Variants in NPHP3 observed in about 807,000 individuals in gnomAD.
The protein encoded by NPHP3 is nephrocystin-3.
In NPHP3, 123 loss-of-function variants were observed where a neutral mutation model predicts 171.9. The ratio of observed to expected loss-of-function variants is 0.72; its 90% confidence interval spans 0.62 to 0.83. The LOEUF (loss-of-function observed/expected upper bound fraction) is 0.83, where lower values mean the gene tolerates loss of function less well. NPHP3 is among the 40% of genes least tolerant of loss of function. The pLI, the probability that NPHP3 is intolerant of heterozygous loss-of-function variation, is 0.00. For synonymous variants in NPHP3, 558 were observed against 579.2 expected, an observed-to-expected ratio of 0.96 and a Z score of 0.52; for missense variants, 1,506 against 1,591.9, an observed-to-expected ratio of 0.95 and a Z score of 0.92.
chr3:132,697,211 T>C (rs779652471), intron 14 of NPHP3, 49 bp downstream of exon 14: 5 of 1,223,316 alleles, frequency 4.1e-6, no homozygotes, highest in Admixed American at 3.4e-5. Flanking sequence ...AGATGTTTCA[T>C]AGGAAAGATG....
At chr3:132,719,630 T>C in intron 2 of NPHP3, 75 bp downstream of exon 2, 1 of 940,560 alleles carries the variant, frequency 1.1e-6, no homozygotes, top group Non-Finnish European at 1.5e-6. Context: ...TTCATCGCAT[T>C]ATATATTATA....
In NPHP3 at chr3:132,701,658, T is replaced by C. The variant is rs1576673620; in HGVS notation, c.1525-125A>G. 33 of 705,228 alleles carry C rather than the reference T, an allele frequency of 4.7e-5. No individual in the cohort carries two copies. The East Asian group carries it at 9.4e-4, about 20-fold the overall frequency. 43.7% of individuals were successfully genotyped at this position (705,228 alleles called of 1,614,324 possible). A position where few individuals can be genotyped will look rare whatever the true frequency, so the allele number is the denominator to read the frequency against. ...TGTGTGAGAAAATGAAATCTATTTTTAGTGACAGCACCCTCATAATTGCCT... is the reference window on the plus strand; with the variant it reads ...TGTGTGAGAAAATGAAATCTATTTTCAGTGACAGCACCCTCATAATTGCCT... On this transcript the variant is annotated intron_variant, in intron 9 of 26. Transcript: ENST00000337331.
chr3:132,718,571 T>C (rs1268526680), intron 3 of NPHP3, among the ~76,000 whole-genome samples: 2 of 152,232 alleles, frequency 1.3e-5, no homozygotes, highest in Non-Finnish European at 2.9e-5. Flanking sequence ...CATGTCTGCC[T>C]GGCTGCTGAT....
At chr3:132,696,647 T>C in intron 15 of NPHP3, 84 bp downstream of exon 15, 1 of 1,150,820 alleles carries the variant, frequency 8.7e-7, no homozygotes, top group Non-Finnish European at 1.3e-6. Flanking sequence ...GGTGTAGTGA[T>C]CAGTTCTCAG....
At chr3:132,720,752 G>T (rs190978233) in intron 1 of NPHP3, among the ~76,000 whole-genome samples, 1 of 150,186 alleles carries the variant, frequency 6.7e-6, no homozygotes, top group African/African-American at 2.4e-5. Context: ...TCAGTCTGAG[G>T]TATTTATTTC....
rs1221670569 is a variant in NPHP3, at chr3:132,719,744, T to C, written c.480A>G (p.Thr160=). The change falls in exon 2 of 27, where the codon ACA becomes ACG. Residue 160 remains threonine (T), a synonymous_variant. Transcript: ENST00000337331. ...AKYQAMERAA[T]FEHDRDKVKR... is the part of the protein sequence containing the mutation. ...TAACTTTATCTCTGTCATGTTCAAA[T>C]GTTGCTGCTCTCTCCATTGCTTGGT... 5 of 1,578,318 alleles carry C rather than the reference T, an allele frequency of 3.2e-6. No individual in the cohort carries two copies. The highest frequency in any genetic ancestry group is 4.3e-6 in the Non-Finnish European group (5 of 1,159,070).
intron 5 of NPHP3, among the ~76,000 whole-genome samples, chr3:132,714,494 G>C (rs1348714036): frequency 6.7e-6 from 1 of 148,530 alleles, no homozygotes; most frequent in Non-Finnish European, 1.5e-5. Flanking sequence ...ACATTGTGGA[G>C]AATATGCAAT....
intron 16 of NPHP3, among the ~76,000 whole-genome samples, chr3:132,694,398 T>C (rs1246681199): frequency 6.6e-6 from 1 of 151,458 alleles, no homozygotes; most frequent in Non-Finnish European, 1.5e-5. Flanking sequence ...CACACACATA[T>C]ATATATGAAA....
intron 6 of NPHP3, among the ~76,000 whole-genome samples, chr3:132,711,589 G>C (rs1462553103): frequency 6.6e-6 from 1 of 151,544 alleles, no homozygotes; most frequent in Non-Finnish European, 1.5e-5. Flanking sequence ...TTTGAGACAG[G>C]GTCATACTCT....
At chr3:132,714,949 C>T in intron 5 of NPHP3, 136 bp downstream of exon 5, 2 of 677,304 alleles carry the variant, frequency 3.0e-6, no homozygotes, top group African/African-American at 1.8e-5. Flanking sequence ...TAAGAAAAGC[C>T]CAAGACGCTT....
In NPHP3 at chr3:132,713,126, C is replaced by T. The variant is rs1939959019; in HGVS notation, c.1118G>A (p.Ser373Asn). 1 of 1,404,128 alleles carries T rather than the reference C, an allele frequency of 7.1e-7. No homozygotes were observed. Among genetic ancestry groups the T allele is most frequent in the East Asian group, 2.4e-5 (1 of 42,438 alleles). The allele number at this position is 1,404,128 out of a possible 1,614,324, so 87.0% of individuals were successfully genotyped here. ...TAAATTACATTTTTTTTCAGCTTAC[C>T]TTGGTAATGTTAAGTGAATAAATAA... Reference protein sequence around the residue: ...VILFIHLTLPSLLLEDCEEAF... With the variant: ...VILFIHLTLPNLLLEDCEEAF... Residue 373 changes from serine (S) to asparagine (N), a missense_variant and splice_region_variant, in exon 6 of 27, where the codon AGC becomes AAC. By Grantham distance (46) the Ser-to-Asn change is conservative (BLOSUM62 1). Coordinates refer to ENST00000337331, the MANE Select transcript of NPHP3 (RefSeq NM_153240.5).
Position 132,681,989 on chromosome 3 carries a change from C to A in NPHP3, c.3914G>T (p.Arg1305Leu), listed in dbSNP as rs781537576. The change falls in exon 27 of 27, where the codon CGC becomes CTC. Residue 1305 changes from arginine to leucine, a missense_variant. Around this residue, in one of 3 missense-constraint regions of NPHP3, gnomAD observed 569 missense variants for 648.1 expected, o/e 0.88. Transcript: ENST00000337331. ...TSLLGGKAPS[R>L]HSSSGDTFSL... is the part of the protein sequence containing the mutation. ...AAACGTGTCTCCACTTGATGAATGG[C>A]GTGAAGGAGCTTTTCCACCCAAGAG... 6.2e-7 allele frequency: 1 copy of A among 1,613,954 alleles called. No homozygotes were observed. The highest frequency in any genetic ancestry group is 8.5e-7 in the Non-Finnish European group (1 of 1,179,852).
chr3:132,697,526 T>TACTA (rs10670383), intron 13 of NPHP3, among the ~76,000 whole-genome samples, 164 bp from the exon 14 acceptor site: 1 of 151,682 alleles, frequency 6.6e-6, no homozygotes, highest in African/African-American at 2.4e-5. Context: ...TAATATATCT[T>TACTA]ATTCTAATAT....
At chr3:132,698,249 G>C (rs1340181352) in intron 13 of NPHP3, among the ~76,000 whole-genome samples, 1 of 152,060 alleles carries the variant, frequency 6.6e-6, no homozygotes, top group Non-Finnish European at 1.5e-5. Context: ...AAAGTGTTGG[G>C]ATTACAGGCA....
intron 6 of NPHP3, chr3:132,712,493 G>A (rs1451717604): frequency 2.2e-6 from 1 of 456,664 alleles, no homozygotes; most frequent in South Asian, 1.5e-5. Flanking sequence ...TGGGCCAGGT[G>A]TGTTGGCCTA....
At chr3:132,698,524 G>A (rs561822519) in intron 13 of NPHP3, among the ~76,000 whole-genome samples, 5 of 152,198 alleles carry the variant, frequency 3.3e-5, no homozygotes, top group Non-Finnish European at 5.9e-5. Context: ...TGATCCACCC[G>A]CCCTGGCCTC....
intron 4 of NPHP3, among the ~76,000 whole-genome samples, chr3:132,716,433 AG>A (rs1940053151): frequency 6.6e-6 from 1 of 152,234 alleles, no homozygotes. Context: ...AAAGAAGCAG[AG>A]GGAAAGATTA....
Position 132,688,790 on chromosome 3 carries a change from G to A in NPHP3, c.2985C>T (p.Tyr995=), listed in dbSNP as rs777768843. 85 of 1,613,888 alleles carry A rather than the reference G, an allele frequency of 5.3e-5. No homozygotes were observed. Among genetic ancestry groups the A allele is most frequent in the East Asian group, 6.7e-5 (3 of 44,892 alleles). ...AQSLHQLASV[Y]VQWKKFGNAE... ...CATTGCCAAACTTCTTCCACTGCAC[G>A]TATACACTTGCTAGTTGGTGGAGGG... is the stretch of plus-strand genomic sequence containing the variant. Residue 995 remains tyrosine, a synonymous_variant, in exon 21 of 27, where the codon TAC becomes TAT. Coordinates refer to ENST00000337331, the MANE Select transcript of NPHP3 (RefSeq NM_153240.5).
chr3:132,711,482 A>G (rs974666750), intron 6 of NPHP3, among the ~76,000 whole-genome samples: 1 of 152,060 alleles, frequency 6.6e-6, no homozygotes, highest in Non-Finnish European at 1.5e-5. Flanking sequence ...GGAAAACATT[A>G]AGAAGAGTTT....
Sources: gnomAD v4.1 joint callset for allele counts (sites outside exome capture counted in the v4.1 genomes callset) on GRCh38, gnomAD v4.1.1 for gene constraint, gnomAD v4.1.1 regional missense constraint, MANE v1.5 for transcripts, NCBI Gene and HGNC (gene_info 2026-07-23, HGNC 2026-07-21) for gene names.